DAPK2: variants seen among roughly 807,000 people sequenced by gnomAD.
The protein encoded by DAPK2 is death-associated protein kinase 2.
A neutral mutation model predicts 44.1 loss-of-function variants in DAPK2; 35 were observed. The ratio of observed to expected loss-of-function variants is 0.79; its 90% confidence interval spans 0.61 to 1.05. The LOEUF is 1.05. Among genes scored for constraint, DAPK2 ranks in the 50% least tolerant of loss-of-function variants. DAPK2 has a pLI of 0.00. For synonymous variants in DAPK2, 174 were observed against 182.6 expected, an observed-to-expected ratio of 0.95 and a Z score of 0.38; for missense variants, 453 against 483.2, an observed-to-expected ratio of 0.94 and a Z score of 0.59.
chr15:64,015,007 C>G (rs2079486564), intron 1 of DAPK2, among the ~76,000 whole-genome samples: 1 of 151,114 alleles, frequency 6.6e-6, no homozygotes, highest in South Asian at 2.1e-4. Context: ...AGCCAAGAGG[C>G]ATGCAGTAAG....
rs541505187 is a variant in DAPK2 at position 63,979,194 on chromosome 15, G to T, written c.314+4339C>A. Among the ~76,000 whole-genome samples the T allele has an allele frequency of 5.9e-5, 9 of 152,294 alleles. No homozygotes were observed. In the East Asian group the frequency reaches 1.7e-3, roughly 29 times the overall value. On this transcript the variant is annotated intron_variant, in intron 2 of 10. Coordinates refer to ENST00000261891, the Ensembl canonical transcript of DAPK2. The stretch of plus-strand genomic sequence containing the variant: ...ATTTTTCAGGGCTAGTTCCACATGT[G>T]ACATGAGTTAAGCTGCTGAGATTTT...
At chr15:63,968,170 C>G (rs1419254545) in intron 3 of DAPK2, among the ~76,000 whole-genome samples, 1 of 152,230 alleles carries the variant, frequency 6.6e-6, no homozygotes, top group African/African-American at 2.4e-5. Flanking sequence ...AGCCAGGAGG[C>G]ATGCATACCC....
intron 3 of DAPK2, chr15:63,942,252 A>G (rs1047742390): frequency 1.0e-6 from 1 of 985,382 alleles, no homozygotes; most frequent in Non-Finnish European, 1.2e-6. Context: ...TCACTGGTCT[A>G]TAAGAACCTC....
At chr15:63,943,692 G>C (rs1174039078) in intron 3 of DAPK2, among the ~76,000 whole-genome samples, 1 of 143,406 alleles carries the variant, frequency 7.0e-6, no homozygotes, top group African/African-American at 2.6e-5. Flanking sequence ...GGTCAACATG[G>C]TGAAACCCCG....
At chr15:64,030,881 T>C (rs998501807) in intron 1 of DAPK2, among the ~76,000 whole-genome samples, 10 of 152,002 alleles carry the variant, frequency 6.6e-5, no homozygotes, top group African/African-American at 2.4e-4. Context: ...GGCGGGAGGA[T>C]GCTGGAGCCG....
chr15:63,946,951 C>G (rs963320866), intron 3 of DAPK2, among the ~76,000 whole-genome samples: 3 of 152,184 alleles, frequency 2.0e-5, no homozygotes, highest in Non-Finnish European at 4.4e-5. Context: ...GGGTGCTCAG[C>G]TCCCTGTCCT....
In DAPK2 at chr15:63,912,755, GT is replaced by G. The variant is rs2078830591; in HGVS notation, c.859-559del. Among the ~76,000 whole-genome samples, 2 of 152,208 alleles carry G rather than the reference GT, an allele frequency of 1.3e-5. No homozygotes were observed. The highest frequency in any genetic ancestry group is 4.8e-5 in the African/African-American group (2 of 41,438). On this transcript the variant is annotated intron_variant, in intron 8 of 10. Transcript: ENST00000261891. The surrounding 1 kb of genome is among the most constrained non-coding windows in gnomAD (Gnocchi z 4.4). The stretch of plus-strand genomic sequence containing the variant: ...CTTGGGATGGCTTCTCTGAGCCTCA[GT>G]TTCCCCATCTGTAATATGGGGATAA...
chr15:64,014,658 G>A (rs147749947), intron 1 of DAPK2, among the ~76,000 whole-genome samples: 3 of 152,284 alleles, frequency 2.0e-5, no homozygotes, highest in Admixed American at 6.5e-5. Flanking sequence ...GGTGGCTCAC[G>A]CCTGTAATCC....
chr15:64,009,320 T>C (rs1347061241), intron 1 of DAPK2, among the ~76,000 whole-genome samples: 1 of 152,076 alleles, frequency 6.6e-6, no homozygotes, highest in East Asian at 1.9e-4. Flanking sequence ...AGTGTTGCTG[T>C]CTTCAGCCCT....
intron 1 of DAPK2, among the ~76,000 whole-genome samples, chr15:64,001,495 G>C (rs1324856832): frequency 6.6e-6 from 1 of 152,146 alleles, no homozygotes; most frequent in African/African-American, 2.4e-5. Context: ...TCCCACTTGA[G>C]GAGGATGGGA....
intron 1 of DAPK2, among the ~76,000 whole-genome samples, chr15:64,002,291 A>G (rs1432943319): frequency 6.6e-6 from 1 of 152,244 alleles, no homozygotes; most frequent in Non-Finnish European, 1.5e-5. Flanking sequence ...AACAGAGTTC[A>G]TCAGAAATTC....
intron 8 of DAPK2, among the ~76,000 whole-genome samples, chr15:63,913,280 T>C (rs1289906839): frequency 1.3e-5 from 2 of 152,222 alleles, no homozygotes; most frequent in Non-Finnish European, 2.9e-5. Flanking sequence ...TAGATAGTGA[T>C]GTGGTTACAC....
At chr15:63,938,631 C>T (rs1046132987) in intron 4 of DAPK2, among the ~76,000 whole-genome samples, 2 of 152,234 alleles carry the variant, frequency 1.3e-5, no homozygotes, top group Admixed American at 1.3e-4. Flanking sequence ...CAGGCTATTT[C>T]TTCATGACCC....
chr15:63,929,485 T>G, intron 6 of DAPK2, 66 bp downstream of exon 7: 1 of 1,600,384 alleles, frequency 6.2e-7, no homozygotes, highest in Middle Eastern at 1.7e-4. Context: ...AGCCTGCCCC[T>G]CTCTCATTCC....
chr15:63,993,912 C>T (rs901807484), intron 1 of DAPK2, among the ~76,000 whole-genome samples: 3 of 152,064 alleles, frequency 2.0e-5, no homozygotes, highest in Admixed American at 6.5e-5. Flanking sequence ...CAGACACACA[C>T]GGTGGTTTCT....
chr15:63,987,027 C>T (rs575763997), intron 1 of DAPK2, among the ~76,000 whole-genome samples: 1 of 152,310 alleles, frequency 6.6e-6, no homozygotes, highest in Non-Finnish European at 1.5e-5. Flanking sequence ...TTGTCTCTCC[C>T]ATCAGCATGA....
chr15:63,918,711 G>A (rs2078994638), intron 8 of DAPK2: 1 of 152,392 alleles, frequency 6.6e-6, no homozygotes, highest in Non-Finnish European at 1.5e-5. Context: ...CGGGCATGGT[G>A]CTGCGCACCT....
chr15:63,989,089 A>C (rs1380183998), intron 1 of DAPK2, among the ~76,000 whole-genome samples: 1 of 151,590 alleles, frequency 6.6e-6, no homozygotes. Context: ...CTGAGGTATG[A>C]AAATCACTTG....
chr15:63,944,447 GC>G (rs552418428), intron 3 of DAPK2, among the ~76,000 whole-genome samples: 3 of 152,184 alleles, frequency 2.0e-5, no homozygotes, highest in Non-Finnish European at 2.9e-5. Flanking sequence ...TTTCAGACAG[GC>G]TTCCTTCTTG....
Sources: allele counts gnomAD v4.1 joint callset (sites outside exome capture counted in the v4.1 genomes callset), GRCh38; gene constraint gnomAD v4.1.1; non-coding constraint Gnocchi (gnomAD v3.1); transcripts MANE v1.5; gene names NCBI Gene and HGNC (gene_info 2026-07-23, HGNC 2026-07-21).